Variants in KCNJ5 observed in about 807,000 individuals in gnomAD.
KCNJ5 encodes the protein G protein-activated inward rectifier potassium channel 4.
Under a neutral mutation model 20.2 loss-of-function variants are expected in KCNJ5, and 12 were observed. The observed-to-expected ratio is 0.59, with a 90% CI of 0.38 to 0.96. KCNJ5 has a LOEUF of 0.96. KCNJ5 is among the 40% of genes least tolerant of loss of function. The pLI, the probability that KCNJ5 is intolerant of heterozygous loss-of-function variation, is 0.00. For synonymous variants in KCNJ5, 210 were observed against 213.9 expected (o/e 0.98, Z 0.16); for missense variants, 449 against 557.6 (o/e 0.81, Z 1.96).
chr11:128,896,607 G>GTGT (rs1565542600), intron 1 of KCNJ5, among the ~76,000 whole-genome samples: 28 of 149,148 alleles, frequency 1.9e-4, no homozygotes, highest in African/African-American at 6.9e-4. Context: ...GCTTGTTGGG[G>GTGT]GTGTGTGTGT....
chr11:128,896,195 C>T (rs367755414), intron 1 of KCNJ5, among the ~76,000 whole-genome samples: 2 of 110,304 alleles, frequency 1.8e-5, no homozygotes, highest in Non-Finnish European at 4.8e-5. Flanking sequence ...ATCTCTTTGT[C>T]TGCTGCAGTC....
rs1395736166 is a variant in KCNJ5, at chr11:128,918,916, G to A, written c.*2185G>A. The A allele has an allele frequency of 2.6e-5, 4 of 152,540 alleles. No individual in the cohort carries two copies. The highest frequency in any genetic ancestry group is 9.6e-5 in the African/African-American group (4 of 41,458). 9.4% of individuals were successfully genotyped at this position (152,540 alleles called of 1,614,324 possible). ...TGGGCTGGCACCCGGCTCAGGGAAA[G>A]CAGAAGCAGACAGTGCCCCAGCAGG... On this transcript the variant is annotated 3_prime_UTR_variant, in exon 3 of 3. Coordinates refer to ENST00000529694, the MANE Select transcript of KCNJ5 (RefSeq NM_000890.5).
chr11:128,892,889 T>C (rs538211234), intron 1 of KCNJ5, among the ~76,000 whole-genome samples: 178 of 152,310 alleles, frequency 1.2e-3, no homozygotes, highest in Non-Finnish European at 1.7e-3. Context: ...TTCTGTTTTA[T>C]AGATGAGAGT....
At chr11:128,898,894 G>C (rs1944218623) in intron 1 of KCNJ5, among the ~76,000 whole-genome samples, 1 of 152,138 alleles carries the variant, frequency 6.6e-6, no homozygotes, top group African/African-American at 2.4e-5. Context: ...TCGCTACGCT[G>C]TTCTCGAACT....
chr11:128,895,363 C>T (rs1944157572), intron 1 of KCNJ5, among the ~76,000 whole-genome samples: 2 of 138,288 alleles, frequency 1.4e-5, no homozygotes, highest in Non-Finnish European at 3.1e-5. Flanking sequence ...CCTGTGTCTT[C>T]CCCTTAGAGT....
intron 1 of KCNJ5, chr11:128,902,254 G>A (rs1041667813): frequency 2.9e-5 from 13 of 444,702 alleles, no homozygotes; most frequent in South Asian, 5.2e-5. Flanking sequence ...CCATTACATC[G>A]GCGCCAGGAA....
At chr11:128,894,000 A>G (rs1236155789) in intron 1 of KCNJ5, among the ~76,000 whole-genome samples, 1 of 152,176 alleles carries the variant, frequency 6.6e-6, no homozygotes, top group East Asian at 1.9e-4. Context: ...GGAGACTCTG[A>G]AGGCTGCTCT....
At chr11:128,895,327 G>A (rs1944157142) in intron 1 of KCNJ5, among the ~76,000 whole-genome samples, 1 of 152,092 alleles carries the variant, frequency 6.6e-6, no homozygotes, top group Non-Finnish European at 1.5e-5. Context: ...GAACCAAGAG[G>A]ACCTCAGATG....
Position 128,918,869 on chromosome 11 carries a change from A to G in KCNJ5, c.*2138A>G, listed in dbSNP as rs574875667. ...TGGCAGGGTGTGCAGTTGTGGTCCC[A>G]AGCCTTGGAGGGAATGGGGAATGGG... On this transcript the variant is annotated 3_prime_UTR_variant, in exon 3 of 3. Transcript: ENST00000529694. 1 of 152,572 alleles carries G rather than the reference A, an allele frequency of 6.6e-6. No individual in the cohort carries two copies. Among genetic ancestry groups the G allele is most frequent in the East Asian group, 1.9e-4 (1 of 5,170 alleles). 9.5% of individuals were successfully genotyped at this position (152,572 alleles called of 1,614,324 possible). A position where few individuals can be genotyped will look rare whatever the true frequency, so the allele number is the denominator to read the frequency against.
chr11:128,917,559 CAG>C lies in KCNJ5; in HGVS notation c.*831_*832del, dbSNP rs1328239290. 1 of 152,460 alleles carries C rather than the reference CAG, an allele frequency of 6.6e-6. No individual in the cohort carries two copies. Among genetic ancestry groups the C allele is most frequent in the Non-Finnish European group, 1.5e-5 (1 of 68,234 alleles). The allele number at this position is 152,460 out of a possible 1,614,324, so 9.4% of individuals were successfully genotyped here. A position where few individuals can be genotyped will look rare whatever the true frequency, so the allele number is the denominator to read the frequency against. On this transcript the variant is annotated 3_prime_UTR_variant, in exon 3 of 3. Transcript: ENST00000529694. The stretch of plus-strand genomic sequence containing the variant: ...CGAGTGCTTTTTGGCCCAAGAATCT[CAG>C]AGTGCTTCTAATCATCACAGTAGTT...
At chr11:128,901,759 C>T (rs1442368038) in intron 1 of KCNJ5, 1 of 152,314 alleles carries the variant, frequency 6.6e-6, no homozygotes, top group Non-Finnish European at 1.5e-5. Context: ...TCAGTGACAG[C>T]TCCCCAGGGA....
At position 128,908,108 on chromosome 11, in the gene KCNJ5, G is replaced by A. The variant is rs571133411; in HGVS notation, c.-10-3156G>A. 3.3e-5 allele frequency among the ~76,000 whole-genome samples: 5 copies of A among 152,292 alleles called. No individual in the cohort carries two copies. The East Asian group carries it at 9.6e-4, about 29-fold the overall frequency. On this transcript the variant is annotated intron_variant, in intron 1 of 2. Transcript: ENST00000529694. ...CTGCATGCTGGTCAGCTCAATGCTT[G>A]CCCTGCAAATTGCCCACTGGGCCTT...
At chr11:128,902,543 G>T in intron 1 of KCNJ5, 1 of 1,587,710 alleles carries the variant, frequency 6.3e-7, no homozygotes, top group Non-Finnish European at 8.6e-7. Flanking sequence ...AGGGCTATTG[G>T]CAAGGAGACA....
At position 128,912,014 on chromosome 11, in the gene KCNJ5, G is replaced by C. The variant is rs775971296; in HGVS notation, c.741G>C (p.Gly247=). The C allele has an allele frequency of 4.3e-6, 7 of 1,610,912 alleles. No homozygotes were observed. In the African/African-American group the frequency reaches 8.0e-5, roughly 18 times the overall value. ...TCAAGTCCCGGCAGACCAAAGAGGG[G>C]GAGTTCATCCCCCTGAACCAGACAG... is the stretch of plus-strand genomic sequence containing the variant. ...KLIKSRQTKE[G]EFIPLNQTDI... Residue 247 remains glycine (G), a synonymous_variant, in exon 2 of 3, where the codon GGG becomes GGC. Coordinates refer to ENST00000529694, the MANE Select transcript of KCNJ5 (RefSeq NM_000890.5).
rs3867250 is a variant in KCNJ5, at chr11:128,917,259, C to T, written c.*528C>T. On this transcript the variant is annotated 3_prime_UTR_variant, in exon 3 of 3. Coordinates refer to ENST00000529694, the MANE Select transcript of KCNJ5 (RefSeq NM_000890.5). ...AGGCAATTCCTTTTAAATCAGATACCAACGACCCATTACTGAGAGGTACAG... is the reference window on the plus strand; with the variant it reads ...AGGCAATTCCTTTTAAATCAGATACTAACGACCCATTACTGAGAGGTACAG... 0.06 allele frequency: 9,335 copies of T among 154,738 alleles called. 710 individuals are homozygous for T. The highest frequency in any genetic ancestry group is 0.18 in the African/African-American group (7,314 of 41,534). 9.6% of individuals were successfully genotyped at this position (154,738 alleles called of 1,614,324 possible). A position where few individuals can be genotyped will look rare whatever the true frequency, so the allele number is the denominator to read the frequency against.
At chr11:128,913,682 A>G (rs1944535279) in intron 2 of KCNJ5, among the ~76,000 whole-genome samples, 1 of 151,660 alleles carries the variant, frequency 6.6e-6, no homozygotes, top group South Asian at 2.1e-4. Context: ...TATTTTTCCA[A>G]TTCTTGCAAA....
At chr11:128,894,181 TTG>T (rs1944136614) in intron 1 of KCNJ5, among the ~76,000 whole-genome samples, 1 of 47,740 alleles carries the variant, frequency 2.1e-5, no homozygotes, top group African/African-American at 1.3e-4. Flanking sequence ...CACTTCTGCA[TTG>T]TTTTTTTTTT....
In KCNJ5 at chr11:128,911,167, A is replaced by G; in HGVS notation, c.-10-97A>G. On this transcript the variant is annotated intron_variant, in intron 1 of 2. Transcript: ENST00000529694. This position sits in a 1 kb window ranked among gnomAD's most constrained non-coding sequence, Gnocchi z 6.3. ...CCCTGACCCCTGGATAACAGAAGAG[A>G]AGCCTGGGAGAGCCCCGGGGTGGGG... 2.1e-6 allele frequency: 2 copies of G among 935,178 alleles called. No individual in the cohort carries two copies. The highest frequency in any genetic ancestry group is 2.8e-5 in the South Asian group (2 of 72,592). The allele number at this position is 935,178 out of a possible 1,614,324, so 57.9% of individuals were successfully genotyped here.
chr11:128,920,701 C>T lies in KCNJ5; in HGVS notation c.*3970C>T, dbSNP rs955984898. 1 of 152,232 alleles carries T rather than the reference C, an allele frequency of 6.6e-6. No individual in the cohort carries two copies. Among genetic ancestry groups the T allele is most frequent in the African/African-American group, 2.4e-5 (1 of 41,450 alleles). 9.4% of individuals were successfully genotyped at this position (152,232 alleles called of 1,614,324 possible). The stretch of plus-strand genomic sequence containing the variant: ...AGGTTCATGAGCTTGCTCAAGGCCA[C>T]GGGTAGTAATAAGAGGCATGGCCTT... On this transcript the variant is annotated 3_prime_UTR_variant, in exon 3 of 3. Transcript: ENST00000529694.
Sources: gnomAD v4.1 joint callset for allele counts (sites outside exome capture counted in the v4.1 genomes callset) on GRCh38, gnomAD v4.1.1 for gene constraint, Gnocchi (gnomAD v3.1) non-coding constraint, MANE v1.5 for transcripts, NCBI Gene and HGNC (gene_info 2026-07-23, HGNC 2026-07-21) for gene names.